The following SLC13A3 variants were observed in gnomAD, a reference collection of about 807,000 sequenced individuals.
SLC13A3 encodes the protein solute carrier family 13 member 3, also known as Na(+)/dicarboxylate cotransporter 3.
SLC13A3 carries 40 observed loss-of-function variants against 59.0 expected under a neutral mutation model. That is an observed-to-expected ratio of 0.68 (90% CI 0.53 to 0.88). The LOEUF is 0.88. Ranked by LOEUF, SLC13A3 falls within the 40% of genes least tolerant of loss-of-function variation. SLC13A3 has a pLI of 0.00. For missense variants in SLC13A3, 699 were observed against 783.2 expected (o/e 0.89, Z 1.28); for synonymous variants, 317 against 330.3 (o/e 0.96, Z 0.44).
At chr20:46,601,858 G>A (rs2062383805) in intron 3 of SLC13A3, among the ~76,000 whole-genome samples, 1 of 152,130 alleles carries the variant, frequency 6.6e-6, no homozygotes, top group African/African-American at 2.4e-5. Context: ...AGAGGGAGGA[G>A]AAGAGTAAGA....
At chr20:46,657,432 G>A (rs771076476) in intron 1 of SLC13A3, among the ~76,000 whole-genome samples, 10 of 151,378 alleles carry the variant, frequency 6.6e-5, no homozygotes, top group Middle Eastern at 3.5e-3. Context: ...AGTGACTTTC[G>A]TTTGGAACCT....
At chr20:46,638,441 C>T (rs2062815673) in intron 1 of SLC13A3, among the ~76,000 whole-genome samples, 1 of 152,202 alleles carries the variant, frequency 6.6e-6, no homozygotes. Flanking sequence ...TGGGCGGCGG[C>T]GAACAAGGGC....
intron 1 of SLC13A3, among the ~76,000 whole-genome samples, chr20:46,666,472 T>TTTGTTGTTG (rs11469962): frequency 1.6e-4 from 24 of 149,436 alleles, no homozygotes; most frequent in South Asian, 4.3e-4. Flanking sequence ...GTTTTGTTGC[T>TTTGTTGTTG]TTGTTGTTGT....
rs1642527709 is a variant in SLC13A3, at chr20:46,563,656, G to C, written c.1495-105C>G. The C allele has an allele frequency of 4.9e-6, 6 of 1,226,328 alleles. No individual in the cohort carries two copies. The South Asian group carries it at 9.5e-5, about 19-fold the overall frequency. 76.0% of individuals were successfully genotyped at this position (1,226,328 alleles called of 1,614,324 possible). On this transcript the variant is annotated intron_variant, in intron 11 of 12. Transcript: ENST00000279027. ...AGGCAGTTGGAAAGAGGGACACAAA[G>C]ACGTAGAGACAGAGAGACAAAGACA...
At chr20:46,572,056 C>A (rs79091214) in intron 10 of SLC13A3, among the ~76,000 whole-genome samples, 1 of 152,178 alleles carries the variant, frequency 6.6e-6, no homozygotes, top group East Asian at 1.9e-4. Flanking sequence ...CATGACTATA[C>A]GGTTTTGTGG....
chr20:46,584,024 C>T (rs2062166885), intron 8 of SLC13A3: 2 of 985,208 alleles, frequency 2.0e-6, no homozygotes, highest in African/African-American at 1.7e-5. Flanking sequence ...CTGTAAGAGC[C>T]CTGTCTTTGT....
intron 1 of SLC13A3, among the ~76,000 whole-genome samples, chr20:46,633,294 G>C (rs1430180122): frequency 1.3e-5 from 2 of 152,156 alleles, no homozygotes; most frequent in Non-Finnish European, 2.9e-5. Context: ...ATTGGCATGA[G>C]ACCTCCACTT....
At chr20:46,562,802 C>A (rs1039642743) in intron 12 of SLC13A3, among the ~76,000 whole-genome samples, 5 of 152,192 alleles carry the variant, frequency 3.3e-5, no homozygotes, top group African/African-American at 1.2e-4. Flanking sequence ...CGCTCTCTCT[C>A]CCCATGTGTC....
chr20:46,584,996 G>A (rs574009911), intron 8 of SLC13A3: 2 of 329,586 alleles, frequency 6.1e-6, no homozygotes, highest in African/African-American at 2.2e-5. Flanking sequence ...AAGACACCCT[G>A]TAAATTTTAT....
chr20:46,632,211 G>A (rs1439078922), intron 1 of SLC13A3, among the ~76,000 whole-genome samples: 1 of 152,192 alleles, frequency 6.6e-6, no homozygotes, highest in Non-Finnish European at 1.5e-5. Flanking sequence ...GGGCTATGAA[G>A]TGCTGAACTT....
chr20:46,604,423 T>C (rs543926640), intron 3 of SLC13A3, among the ~76,000 whole-genome samples: 22 of 152,326 alleles, frequency 1.4e-4, no homozygotes, highest in African/African-American at 4.8e-4. Flanking sequence ...GTGAAGGCCA[T>C]TGACACTCTT....
At chr20:46,578,358 A>AG (rs1160533199) in intron 9 of SLC13A3, among the ~76,000 whole-genome samples, 3 of 152,006 alleles carry the variant, frequency 2.0e-5, no homozygotes, top group Admixed American at 6.6e-5. Context: ...CTTATATTCC[A>AG]GGGGGGAAGT....
intron 1 of SLC13A3, among the ~76,000 whole-genome samples, chr20:46,650,280 T>G (rs906427350): frequency 6.6e-6 from 1 of 152,194 alleles, no homozygotes; most frequent in African/African-American, 2.4e-5. Flanking sequence ...TTCTGGATTC[T>G]GACAAGCCGG....
upstream of SLC13A3, among the ~76,000 whole-genome samples, chr20:46,674,604 C>CGCGCGCGTGTGTGT (rs370861850): frequency 1.1e-4 from 14 of 127,950 alleles, no homozygotes; most frequent in African/African-American, 4.1e-4. Flanking sequence ...CGCGCGCGCG[C>CGCGCGCGTGTGTGT]GTGTGTGTGT....
intron 1 of SLC13A3, among the ~76,000 whole-genome samples, chr20:46,637,594 C>A (rs1829088055): frequency 6.6e-6 from 1 of 152,178 alleles, no homozygotes; most frequent in Admixed American, 6.5e-5. Flanking sequence ...GCAAACAATA[C>A]CACTACGACT....
At chr20:46,568,250 T>C (rs1188753310) in intron 10 of SLC13A3, among the ~76,000 whole-genome samples, 3 of 150,392 alleles carry the variant, frequency 2.0e-5, no homozygotes, top group Non-Finnish European at 4.4e-5. Context: ...ATACAAAAAT[T>C]AGCCAGGCGT....
intron 3 of SLC13A3, chr20:46,609,019 T>C (rs1057340165): frequency 1.3e-6 from 2 of 1,550,568 alleles, no homozygotes. Flanking sequence ...GCTTGAAGTT[T>C]CAGCCTTTCC....
chr20:46,653,064 A>G (rs978579903), upstream of SLC13A3, among the ~76,000 whole-genome samples: 2 of 152,162 alleles, frequency 1.3e-5, no homozygotes, highest in African/African-American at 2.4e-5. Flanking sequence ...TTGGTGAACT[A>G]TCTTTTCCTG....
upstream of SLC13A3, among the ~76,000 whole-genome samples, chr20:46,674,991 C>T (rs115125962): frequency 9.5e-3 from 1,441 of 151,848 alleles, 22 homozygotes; most frequent in African/African-American, 0.033. Context: ...TTGGTAGAGA[C>T]CTGAAGGAAA....
Sources: gnomAD v4.1 joint callset for allele counts (sites outside exome capture counted in the v4.1 genomes callset) on GRCh38, gnomAD v4.1.1 for gene constraint, MANE v1.5 for transcripts, NCBI Gene and HGNC (gene_info 2026-07-23, HGNC 2026-07-21) for gene names.